FREM2: variants seen among roughly 807,000 people sequenced by gnomAD.
The protein encoded by FREM2 is FRAS1-related extracellular matrix protein 2.
In FREM2, 119 loss-of-function variants were observed where a neutral mutation model predicts 219.9. The observed-to-expected ratio is 0.54, with a 90% confidence interval of 0.47 to 0.63. The LOEUF is 0.63. FREM2 is among the 30% of genes least tolerant of loss of function. The probability of loss-of-function intolerance (pLI) is 0.00; values close to 1 mark genes in which losing one functional copy is unlikely to be tolerated. For missense variants in FREM2, 4,030 were observed against 3,993.6 expected (o/e 1.01, Z -0.25); for synonymous variants, 1,562 against 1,522.8 (o/e 1.03, Z -0.60).
At chr13:38,796,949 T>C (rs1271420907) in intron 6 of FREM2, among the ~76,000 whole-genome samples, 3 of 152,096 alleles carry the variant, frequency 2.0e-5, no homozygotes, top group East Asian at 3.9e-4. Context: ...GGTGCAATGA[T>C]AGCTGCAGCC....
intron 6 of FREM2, among the ~76,000 whole-genome samples, chr13:38,809,086 A>G (rs537316953): frequency 1.3e-5 from 2 of 151,402 alleles, no homozygotes; most frequent in African/African-American, 2.4e-5. Flanking sequence ...TCATTTTTTA[A>G]AATTGTTATT....
chr13:38,797,766 G>A (rs1233184188), intron 6 of FREM2, among the ~76,000 whole-genome samples: 1 of 151,830 alleles, frequency 6.6e-6, no homozygotes, highest in Non-Finnish European at 1.5e-5. Flanking sequence ...TTTTATAGTA[G>A]TCTTATATTT....
chr13:38,844,451 A>G (rs1877075427), intron 6 of FREM2, among the ~76,000 whole-genome samples: 1 of 152,196 alleles, frequency 6.6e-6, no homozygotes, highest in African/African-American at 2.4e-5. Flanking sequence ...TTTTTCTTAT[A>G]AAAACTACAC....
intron 11 of FREM2, among the ~76,000 whole-genome samples, chr13:38,852,101 C>T (rs11617470): frequency 0.033 from 4,986 of 152,138 alleles, 127 homozygotes; most frequent in Middle Eastern, 0.075. Context: ...ACATTGTACC[C>T]ATTAAATAAT....
rs145576814 is a variant in FREM2, at chr13:38,689,544, G to A, written c.2200G>A (p.Asp734Asn). The A allele has an allele frequency of 8.1e-6, 13 of 1,613,898 alleles. No individual in the cohort carries two copies. The Admixed American group carries it at 2.2e-4, about 27-fold the overall frequency. The change falls in exon 1 of 24, where the codon GAT becomes AAT. Residue 734 changes from aspartate to asparagine, a missense_variant. By Grantham distance (23) the Asp-to-Asn change is conservative. Coordinates refer to ENST00000280481, the MANE Select transcript of FREM2 (RefSeq NM_207361.6). ...GCTGCGCTACACTGACCTGGACACAGATGACCGAGAACTACGTTACACAGT... is the reference window on the plus strand; with the variant it reads ...GCTGCGCTACACTGACCTGGACACAAATGACCGAGAACTACGTTACACAGT... ...KWLRYTDLDT[D>N]DRELRYTVTQ...
At chr13:38,734,420 A>G (rs891651884) in intron 2 of FREM2, among the ~76,000 whole-genome samples, 2 of 152,192 alleles carry the variant, frequency 1.3e-5, no homozygotes, top group African/African-American at 4.8e-5. Flanking sequence ...TAACTAGTTA[A>G]AAGACTTTTT....
intron 3 of FREM2, among the ~76,000 whole-genome samples, chr13:38,767,244 C>T (rs1168230959): frequency 1.3e-5 from 2 of 152,172 alleles, no homozygotes; most frequent in African/African-American, 2.4e-5. Flanking sequence ...CCTGTTTAAC[C>T]ACTTTGTTAT....
chr13:38,786,273 A>G (rs148219697), intron 6 of FREM2, among the ~76,000 whole-genome samples: 5 of 152,152 alleles, frequency 3.3e-5, no homozygotes, highest in Non-Finnish European at 7.4e-5. Flanking sequence ...CATCCTAACA[A>G]TTCTGTAGAA....
At chr13:38,742,555 C>G (rs924292657) in intron 2 of FREM2, among the ~76,000 whole-genome samples, 1 of 152,184 alleles carries the variant, frequency 6.6e-6, no homozygotes, top group Non-Finnish European at 1.5e-5. Context: ...TACTCTTAGC[C>G]TTTTACACTT....
intron 6 of FREM2, among the ~76,000 whole-genome samples, chr13:38,820,847 T>C (rs1388285876): frequency 6.6e-6 from 1 of 152,162 alleles, no homozygotes; most frequent in Admixed American, 6.6e-5. Context: ...CTTGCAGGGC[T>C]ATGATTATTT....
rs765128549 is a variant in FREM2, at chr13:38,691,089, G to A, written c.3745G>A (p.Val1249Ile). The A allele has an allele frequency of 6.2e-7, 1 of 1,614,084 alleles. No homozygotes were observed. The highest frequency in any genetic ancestry group is 1.1e-5 in the South Asian group (1 of 91,072). ...MNQLINGTVLVESFTLDQIIE... is the reference protein window; with the variant it reads ...MNQLINGTVLIESFTLDQIIE... ...TCAGCTGATAAATGGCACGGTTTTG[G>A]TCGAAAGCTTCACCTTGGATCAGAT... Residue 1249 changes from valine (V) to isoleucine (I), a missense_variant, in exon 1 of 24, where the codon GTC becomes ATC. Physicochemically the swap from Val to Ile is conservative, Grantham distance 29. This residue lies in a region of FREM2 where 3,102 missense variants were observed against 2,950.7 expected (regional missense o/e 1.05). Coordinates refer to ENST00000280481, the MANE Select transcript of FREM2 (RefSeq NM_207361.6).
At chr13:38,808,900 A>T (rs1306573818) in intron 6 of FREM2, among the ~76,000 whole-genome samples, 2 of 151,898 alleles carry the variant, frequency 1.3e-5, no homozygotes, top group African/African-American at 4.8e-5. Context: ...CCCAAAAAAC[A>T]AAATCTGTGA....
intron 4 of FREM2, among the ~76,000 whole-genome samples, chr13:38,780,284 G>A (rs1389995846): frequency 2.6e-5 from 4 of 152,096 alleles, no homozygotes; most frequent in Non-Finnish European, 4.4e-5. Flanking sequence ...TTTCCAGTTG[G>A]TCAAGACAGC....
chr13:38,743,401 G>T (rs1255511973), intron 2 of FREM2, among the ~76,000 whole-genome samples: 1 of 151,860 alleles, frequency 6.6e-6, no homozygotes, highest in Non-Finnish European at 1.5e-5. Context: ...AATTTAGTTT[G>T]TCTCATTATT....
Position 38,687,477 on chromosome 13 carries a change from C to G in FREM2, c.133C>G (p.Pro45Ala), listed in dbSNP as rs1869515910. The G allele has an allele frequency of 6.3e-7, 1 of 1,591,262 alleles. No individual in the cohort carries two copies. Among genetic ancestry groups the G allele is most frequent in the East Asian group, 2.3e-5 (1 of 44,000 alleles). ...TCTCCTGTCACTGGTAAGCCGCGTCCCGGCACAGCCCGCTGCCTTCGGCAG... is the reference window on the plus strand; with the variant it reads ...TCTCCTGTCACTGGTAAGCCGCGTCGCGGCACAGCCCGCTGCCTTCGGCAG... Reference protein sequence around the residue: ...LLLLSLVSRVPAQPAAFGRAL... With the variant: ...LLLLSLVSRVAAQPAAFGRAL... Residue 45 changes from proline to alanine, a missense_variant, in exon 1 of 24, where the codon CCG becomes GCG. Around this residue, in one of 2 missense-constraint regions of FREM2, gnomAD observed 3,102 missense variants for 2,950.7 expected, o/e 1.05. Coordinates refer to ENST00000280481, the MANE Select transcript of FREM2 (RefSeq NM_207361.6).
At chr13:38,876,454 A>T in intron 20 of FREM2, 72 bp downstream of exon 20, 1 of 1,348,104 alleles carries the variant, frequency 7.4e-7, no homozygotes, top group Non-Finnish European at 1.1e-6. Flanking sequence ...AGTAAAAAAA[A>T]AAAAAATCCA....
intron 6 of FREM2, among the ~76,000 whole-genome samples, chr13:38,808,541 T>A (rs936554529): frequency 2.0e-5 from 3 of 151,904 alleles, no homozygotes; most frequent in African/African-American, 7.2e-5. Flanking sequence ...AGCTTATTAA[T>A]TGGCCTGATT....
chr13:38,838,005 A>C (rs1876789700), intron 6 of FREM2, among the ~76,000 whole-genome samples: 1 of 152,140 alleles, frequency 6.6e-6, no homozygotes, highest in Non-Finnish European at 1.5e-5. Flanking sequence ...TGTCATTATG[A>C]TGCTAGCTGG....
intron 6 of FREM2, among the ~76,000 whole-genome samples, chr13:38,793,781 A>G (rs546692492): frequency 1.0e-3 from 155 of 152,332 alleles, no homozygotes; most frequent in Non-Finnish European, 1.6e-3. Context: ...TGCAGAGACC[A>G]GGAGGCATCT....
Sources: allele counts gnomAD v4.1 joint callset (sites outside exome capture counted in the v4.1 genomes callset), GRCh38; gene constraint gnomAD v4.1.1; regional missense constraint gnomAD v4.1.1; transcripts MANE v1.5; gene names NCBI Gene and HGNC (gene_info 2026-07-23, HGNC 2026-07-21).